The following YEATS2 variants were observed in gnomAD, a reference collection of about 807,000 sequenced individuals.
The protein encoded by YEATS2 is YEATS domain containing 2.
A neutral mutation model predicts 163.2 loss-of-function variants in YEATS2; 77 were observed. That is an observed-to-expected ratio of 0.47 (90% CI 0.39 to 0.57). YEATS2 has a LOEUF of 0.57. Among genes scored for constraint, YEATS2 ranks in the 20% least tolerant of loss-of-function variants. The pLI is 0.00. For missense variants in YEATS2, 1,549 were observed against 1,729.8 expected (o/e 0.90, Z 1.85); for synonymous variants, 631 against 645.1 (o/e 0.98, Z 0.33).
At position 183,786,116 on chromosome 3, in the gene YEATS2, T is replaced by G; in HGVS notation, c.2737-9T>G. On this transcript the variant is annotated splice_polypyrimidine_tract_variant and intron_variant, in intron 19 of 30. Transcript: ENST00000305135. ...AACATGATTATTTCTGCCCATCTTG[T>G]TTCTGCAGGCAGCCCATGGAGGACA... is the stretch of plus-strand genomic sequence containing the variant. The G allele has an allele frequency of 6.2e-7, 1 of 1,608,852 alleles. No homozygotes were observed. Among genetic ancestry groups the G allele is most frequent in the East Asian group, 2.2e-5 (1 of 44,742 alleles).
intron 6 of YEATS2, among the ~76,000 whole-genome samples, chr3:183,725,871 T>G (rs1414413316): frequency 6.6e-6 from 1 of 152,206 alleles, no homozygotes; most frequent in African/African-American, 2.4e-5. Context: ...AGGATGTAAG[T>G]GTGATGGGTT....
chr3:183,732,461 TA>T (rs1717893088), intron 7 of YEATS2, among the ~76,000 whole-genome samples: 1 of 151,614 alleles, frequency 6.6e-6, no homozygotes, highest in Non-Finnish European at 1.5e-5. Flanking sequence ...TCAAAATAAA[TA>T]AATAAAAAAT....
chr3:183,802,216 G>A (rs1320711164), intron 25 of YEATS2: 1 of 152,568 alleles, frequency 6.6e-6, no homozygotes, highest in African/African-American at 2.4e-5. Context: ...AGCAGCCTAC[G>A]GACACAGGAG....
chr3:183,769,967 G>T (rs957998481), intron 15 of YEATS2, among the ~76,000 whole-genome samples: 1 of 151,692 alleles, frequency 6.6e-6, no homozygotes, highest in African/African-American at 2.4e-5. Flanking sequence ...TTACAGGCGC[G>T]AGCCACCATA....
At position 183,786,200 on chromosome 3, in the gene YEATS2, C is replaced by G. The variant is rs199842100; in HGVS notation, c.2812C>G (p.Leu938Val). 687 of 1,614,054 alleles carry G rather than the reference C, an allele frequency of 4.3e-4. No homozygotes were observed. The highest frequency in any genetic ancestry group is 5.2e-4 in the Non-Finnish European group (615 of 1,180,032). ...TLKTVPATSQ[L>V]SKPGTTMLRV... ...GAAGACTGTGCCAGCCACCTCACAGCTCTCGAAGCCTGGAACCACAATGCT... is the reference window on the plus strand; with the variant it reads ...GAAGACTGTGCCAGCCACCTCACAGGTCTCGAAGCCTGGAACCACAATGCT... The change falls in exon 20 of 31, where the codon CTC becomes GTC. Residue 938 changes from leucine to valine, a missense_variant. Leu to Val is a conservative substitution (Grantham distance 32). Coordinates refer to ENST00000305135, the MANE Select transcript of YEATS2 (RefSeq NM_018023.5).
intron 19 of YEATS2, among the ~76,000 whole-genome samples, chr3:183,782,901 G>A (rs1470302128): frequency 6.6e-6 from 1 of 152,212 alleles, no homozygotes; most frequent in African/African-American, 2.4e-5. Context: ...ATAAGAAACT[G>A]AGAAATGGTT....
At position 183,802,987 on chromosome 3, in the gene YEATS2, C is replaced by T. The variant is rs1027524716; in HGVS notation, c.3503-269C>T. On this transcript the variant is annotated intron_variant, in intron 25 of 30. Coordinates refer to ENST00000305135, the MANE Select transcript of YEATS2 (RefSeq NM_018023.5). ...AGGGCTCCTAGTGGAGCACCAGTTCCACAGACTTTAATAGTCTATGGCAGT... is the reference window on the plus strand; with the variant it reads ...AGGGCTCCTAGTGGAGCACCAGTTCTACAGACTTTAATAGTCTATGGCAGT... The T allele has an allele frequency of 1.2e-5, 5 of 400,988 alleles. No homozygotes were observed. In the Admixed American group the frequency reaches 1.6e-4, roughly 13 times the overall value. The allele number at this position is 400,988 out of a possible 1,614,324, so 24.8% of individuals were successfully genotyped here.
chr3:183,803,445 C>G, intron 26 of YEATS2, 110 bp downstream of exon 26: 2 of 1,098,264 alleles, frequency 1.8e-6, no homozygotes, highest in Non-Finnish European at 2.6e-6. Flanking sequence ...AGAATATTTT[C>G]CTCAGTTAAA....
chr3:183,715,201 T>C lies in YEATS2; in HGVS notation c.39T>C (p.Pro13=), dbSNP rs771491504. The change falls in exon 2 of 31, where the codon CCT becomes CCC. Residue 13 remains proline, a synonymous_variant. Transcript: ENST00000305135. ...GIKRTIKETD[P]DYEDVSVALP... The stretch of plus-strand genomic sequence containing the variant: ...AGCGAACCATCAAAGAAACCGACCC[T>C]GATTACGAGGATGTATCTGTGGCCC... 6.2e-7 allele frequency: 1 copy of C among 1,613,292 alleles called. No individual in the cohort carries two copies. Among genetic ancestry groups the C allele is most frequent in the Non-Finnish European group, 8.5e-7 (1 of 1,179,814 alleles).
At chr3:183,805,620 C>T (rs1726110780) in intron 27 of YEATS2, among the ~76,000 whole-genome samples, 1 of 151,928 alleles carries the variant, frequency 6.6e-6, no homozygotes, top group Non-Finnish European at 1.5e-5. Flanking sequence ...GAAACCTTGC[C>T]TCTACAAAAA....
chr3:183,793,227 A>G (rs1724827585), intron 21 of YEATS2: 1 of 1,239,498 alleles, frequency 8.1e-7, no homozygotes, highest in South Asian at 1.3e-5. Flanking sequence ...GCCTTTGGAT[A>G]AGAGGCTGTG....
At position 183,715,265 on chromosome 3, in the gene YEATS2, A is replaced by G; in HGVS notation, c.100+3A>G. On this transcript the variant is annotated splice_donor_region_variant and intron_variant, in intron 2 of 30. Transcript: ENST00000305135. Reference sequence around the variant, plus strand: ...GCATAAAGCAATTGAGAATTCAGGTAGAAATCCTGCCTTAGGAAATTATTT... The same window carrying G: ...GCATAAAGCAATTGAGAATTCAGGTGGAAATCCTGCCTTAGGAAATTATTT... 2 of 1,600,608 alleles carry G rather than the reference A, an allele frequency of 1.2e-6. No homozygotes were observed. The highest frequency in any genetic ancestry group is 1.7e-6 in the Non-Finnish European group (2 of 1,173,792).
intron 3 of YEATS2, 58 bp downstream of exon 3, chr3:183,717,806 A>G (rs1716057154): frequency 9.9e-7 from 1 of 1,012,404 alleles, no homozygotes; most frequent in Admixed American, 3.0e-5. Flanking sequence ...TGTATACATG[A>G]TTGAAAAATA....
chr3:183,699,656 A>G (rs1378902156), intron 1 of YEATS2, among the ~76,000 whole-genome samples: 1 of 151,114 alleles, frequency 6.6e-6, no homozygotes, highest in Non-Finnish European at 1.5e-5. Flanking sequence ...AAGGGCGCAG[A>G]CACTCAAATA....
intron 9 of YEATS2, among the ~76,000 whole-genome samples, chr3:183,751,512 G>A (rs775288630): frequency 9.2e-5 from 14 of 152,258 alleles, no homozygotes; most frequent in Non-Finnish European, 1.8e-4. Flanking sequence ...CTTATTGAGC[G>A]CTGGTCCAGG....
chr3:183,800,442 C>G (rs563732243), intron 23 of YEATS2, 24 bp from the exon 24 acceptor site: 17 of 1,587,832 alleles, frequency 1.1e-5, no homozygotes, highest in South Asian at 7.8e-5. Context: ...TAACAGCTGC[C>G]TCTTTGTTGC....
chr3:183,707,678 AT>A lies in YEATS2; in HGVS notation c.-19-7443del, dbSNP rs1176429941. Among the ~76,000 whole-genome samples, 667 of 106,116 alleles carry A rather than the reference AT, an allele frequency of 6.3e-3. 3 individuals are homozygous for A. Among genetic ancestry groups the A allele is most frequent in the South Asian group, 0.03 (97 of 3,248 alleles). 69.6% of individuals were successfully genotyped at this position (106,116 alleles called of 152,430 possible). A position where few individuals can be genotyped will look rare whatever the true frequency, so the allele number is the denominator to read the frequency against. ...ATTGTACTACTCCCCTTCCCCACCT[AT>A]TTTTTTTTTTTTTTTTTTTTTTGAG... is the stretch of plus-strand genomic sequence containing the variant. On this transcript the variant is annotated intron_variant, in intron 1 of 30. Coordinates refer to ENST00000305135, the MANE Select transcript of YEATS2 (RefSeq NM_018023.5).
intron 16 of YEATS2, 78 bp downstream of exon 16, chr3:183,772,641 AT>A (rs768216157): frequency 4.4e-5 from 69 of 1,566,010 alleles, no homozygotes; most frequent in Non-Finnish European, 4.7e-5. Context: ...TTTATTTGCT[AT>A]TTGATCTGGT....
chr3:183,764,395 T>G (rs1359504133), intron 15 of YEATS2, among the ~76,000 whole-genome samples: 2 of 129,158 alleles, frequency 1.5e-5, no homozygotes, highest in East Asian at 2.7e-4. Context: ...AAAAAAAAGA[T>G]ATCATATAGA....
Sources: allele counts gnomAD v4.1 joint callset (sites outside exome capture counted in the v4.1 genomes callset), GRCh38; gene constraint gnomAD v4.1.1; transcripts MANE v1.5; gene names NCBI Gene and HGNC (gene_info 2026-07-23, HGNC 2026-07-21).